Variants in PBX1 observed in about 807,000 individuals in gnomAD.
PBX1 encodes pre-B-cell leukemia transcription factor 1.
In PBX1, 6 loss-of-function variants were observed where a neutral mutation model predicts 53.4. The ratio of observed to expected loss-of-function variants is 0.11; its 90% CI spans 0.06 to 0.22. PBX1 has a LOEUF of 0.22. PBX1 is among the 10% of genes least tolerant of loss of function. PBX1 has a pLI of 1.00. For missense variants in PBX1, 251 were observed against 551.4 expected (o/e 0.46, Z 5.46); for synonymous variants, 204 against 212.3 (o/e 0.96, Z 0.34).
chr1:164,670,570 G>T (rs183948664), intron 2 of PBX1, among the ~76,000 whole-genome samples: 82 of 152,304 alleles, frequency 5.4e-4, no homozygotes, highest in Middle Eastern at 3.4e-3. Context: ...CTGAAGGCCT[G>T]TGGGGTCAGG....
chr1:164,794,638 AACC>A (rs1668696949), intron 3 of PBX1, among the ~76,000 whole-genome samples: 1 of 152,226 alleles, frequency 6.6e-6, no homozygotes, highest in Non-Finnish European at 1.5e-5. Context: ...CAGTTTCCCC[AACC>A]ATGACCATCA....
intron 2 of PBX1, chr1:164,769,473 T>C (rs1667251845): frequency 1.3e-5 from 2 of 152,200 alleles, no homozygotes; most frequent in Non-Finnish European, 2.9e-5. Flanking sequence ...TTTTCTGCCC[T>C]TCACATGATG....
intron 6 of PBX1, chr1:164,815,828 T>C (rs961004720): frequency 6.6e-6 from 1 of 152,136 alleles, no homozygotes; most frequent in Non-Finnish European, 1.5e-5. Context: ...GGGATTACAA[T>C]TCAAGATGAG....
chr1:164,791,671 A>G (rs1008722769), intron 2 of PBX1, among the ~76,000 whole-genome samples: 1 of 151,980 alleles, frequency 6.6e-6, no homozygotes, highest in Non-Finnish European at 1.5e-5. Context: ...AGACTTATGG[A>G]AATTTAAAAG....
chr1:164,573,602 C>T (rs1654024941), intron 2 of PBX1, among the ~76,000 whole-genome samples: 1 of 151,194 alleles, frequency 6.6e-6, no homozygotes, highest in Admixed American at 6.6e-5. Context: ...AGGGATTCTC[C>T]TGCCTCAGCC....
At chr1:164,873,568 C>T (rs1366675835) in intron 2 of PBX1, among the ~76,000 whole-genome samples, 1 of 152,104 alleles carries the variant, frequency 6.6e-6, no homozygotes, top group East Asian at 1.9e-4. Context: ...ATTGCTGAGC[C>T]TTCTTATTTA....
intron 2 of PBX1, among the ~76,000 whole-genome samples, chr1:164,690,908 C>T (rs947994275): frequency 6.6e-6 from 1 of 151,634 alleles, no homozygotes; most frequent in African/African-American, 2.4e-5. Flanking sequence ...AGTTTGAAGT[C>T]ACAAAGTCCC....
chr1:164,684,792 T>C (rs569101620), intron 2 of PBX1: 7 of 152,316 alleles, frequency 4.6e-5, no homozygotes, highest in African/African-American at 1.4e-4. Context: ...TGGGGCACTG[T>C]GTTTGACGAT....
At chr1:164,704,985 A>G (rs1010796215) in intron 2 of PBX1, among the ~76,000 whole-genome samples, 2 of 152,196 alleles carry the variant, frequency 1.3e-5, no homozygotes, top group Non-Finnish European at 2.9e-5. Flanking sequence ...CATTTCTTAA[A>G]GGTTTTGAGG....
chr1:164,656,658 A>G (rs902810202), intron 2 of PBX1, among the ~76,000 whole-genome samples: 1 of 152,106 alleles, frequency 6.6e-6, no homozygotes, highest in Non-Finnish European at 1.5e-5. Context: ...AGTGATGGCT[A>G]TAGAGGAAAG....
At chr1:164,794,075 A>G (rs1299789784) in intron 3 of PBX1, among the ~76,000 whole-genome samples, 3 of 151,758 alleles carry the variant, frequency 2.0e-5, no homozygotes, top group South Asian at 2.1e-4. Context: ...GGGTTTCACT[A>G]TGTTGGCCAG....
intron 8 of PBX1, among the ~76,000 whole-genome samples, chr1:164,826,555 C>T (rs1249948185): frequency 1.3e-5 from 2 of 152,038 alleles, no homozygotes; most frequent in African/African-American, 4.8e-5. Flanking sequence ...CAGGTTTGCA[C>T]CACCATGCCC....
At chr1:164,600,842 T>G (rs1309856892) in intron 2 of PBX1, among the ~76,000 whole-genome samples, 2 of 152,196 alleles carry the variant, frequency 1.3e-5, no homozygotes, top group Non-Finnish European at 2.9e-5. Flanking sequence ...GCCACTGAAG[T>G]AATCCAAACA....
chr1:164,697,701 A>C (rs1159692896), intron 2 of PBX1, among the ~76,000 whole-genome samples: 2 of 152,224 alleles, frequency 1.3e-5, no homozygotes. Flanking sequence ...TCATCAAAAT[A>C]GGAAAATTAA....
At chr1:164,652,776 A>G (rs2101926450) in intron 2 of PBX1, among the ~76,000 whole-genome samples, 1 of 152,232 alleles carries the variant, frequency 6.6e-6, no homozygotes, top group Middle Eastern at 3.4e-3. Context: ...TCATGTAACC[A>G]ACACCCCTTT....
chr1:164,855,298 C>G (rs529112848), downstream of PBX1, among the ~76,000 whole-genome samples: 1 of 152,316 alleles, frequency 6.6e-6, no homozygotes, highest in East Asian at 1.9e-4. Context: ...CCTCCACAGT[C>G]TCCAATTTCC....
intron 2 of PBX1, among the ~76,000 whole-genome samples, chr1:164,778,969 G>A (rs573758336): frequency 7.9e-5 from 12 of 151,904 alleles, no homozygotes; most frequent in Non-Finnish European, 1.2e-4. Context: ...CAGTACCTCA[G>A]TTTCCTCATC....
chr1:164,873,836 A>T (rs1672437843), intron 2 of PBX1, among the ~76,000 whole-genome samples: 1 of 152,206 alleles, frequency 6.6e-6, no homozygotes, highest in Admixed American at 6.5e-5. Context: ...TGTGACTCTC[A>T]GAGCCAGTGC....
chr1:164,677,988 A>G (rs1221454457), intron 2 of PBX1, among the ~76,000 whole-genome samples: 1 of 152,208 alleles, frequency 6.6e-6, no homozygotes, highest in African/African-American at 2.4e-5. Context: ...AAGAAAATGT[A>G]TGGGTAGTAT....
Sources: allele counts gnomAD v4.1 joint callset (sites outside exome capture counted in the v4.1 genomes callset), GRCh38; gene constraint gnomAD v4.1.1; transcripts MANE v1.5; gene names NCBI Gene and HGNC (gene_info 2026-07-23, HGNC 2026-07-21).